MIER1: variants seen among roughly 807,000 people sequenced by gnomAD.
The protein encoded by MIER1 is MIER1 transcriptional regulator.
A neutral mutation model predicts 75.7 loss-of-function variants in MIER1; 40 were observed. The observed-to-expected ratio is 0.53, with a 90% CI of 0.41 to 0.69. The LOEUF (loss-of-function observed/expected upper bound fraction) is 0.69. Among genes scored for constraint, MIER1 ranks in the 30% least tolerant of loss-of-function variants. The pLI, the probability that MIER1 is intolerant of heterozygous loss-of-function variation, is 0.00. For synonymous variants in MIER1, 213 were observed against 223.4 expected, an observed-to-expected ratio of 0.95 and a Z score of 0.42; for missense variants, 574 against 680.2, an observed-to-expected ratio of 0.84 and a Z score of 1.74.
chr1:66,974,856 T>C (rs533747732), intron 11 of MIER1, among the ~76,000 whole-genome samples: 40 of 152,338 alleles, frequency 2.6e-4, no homozygotes, highest in African/African-American at 9.6e-4. Flanking sequence ...AGTTCTATTT[T>C]GAGGGCTTTT....
intron 3 of MIER1, among the ~76,000 whole-genome samples, chr1:66,945,314 TATAAAATAC>T (rs1657337674): frequency 2.1e-5 from 2 of 94,326 alleles, no homozygotes; most frequent in African/African-American, 3.9e-5. Context: ...TATATATATA[TATAAAATAC>T]CTAATATAGG....
Position 66,958,133 on chromosome 1 carries a change from TGAG to T in MIER1, c.417_419del (p.Glu147del). 1 of 1,609,384 alleles carries T rather than the reference TGAG, an allele frequency of 6.2e-7. No individual in the cohort carries two copies. ...GTACTGTTCGACTACCTGAAGAAGA[TGAG>T]GAAGAGGAAGAAGAGGAAGAAGAAG... On this transcript the variant is annotated inframe_deletion, in exon 5 of 14. Transcript: ENST00000401041.
At chr1:66,946,104 T>TC in intron 3 of MIER1, 46 bp from the exon 4 acceptor site, 1 of 1,541,574 alleles carries the variant, frequency 6.5e-7, no homozygotes, top group Non-Finnish European at 8.7e-7. Flanking sequence ...ATTAATAAGA[T>TC]CCACTTAATT....
At chr1:66,969,000 C>A (rs1663003981) in intron 8 of MIER1, among the ~76,000 whole-genome samples, 1 of 152,112 alleles carries the variant, frequency 6.6e-6, no homozygotes, top group Non-Finnish European at 1.5e-5. Context: ...AGAACAGAGG[C>A]TGAGCAGAGA....
chr1:66,958,962 C>A lies in MIER1; in HGVS notation c.613C>A (p.Arg205=), dbSNP rs768055958. 13 of 1,612,082 alleles carry A rather than the reference C, an allele frequency of 8.1e-6. No individual in the cohort carries two copies. The Admixed American group carries it at 8.3e-5, about 10-fold the overall frequency. Residue 205 remains arginine (R), a synonymous_variant, in exon 6 of 14, where the codon CGA becomes AGA. Transcript: ENST00000401041. Reference sequence around the variant, plus strand: ...TGCCCAGGAAATAATCCGCCCACGTCGATGTAAATATTTTGATACAAGTAA... The same window carrying A: ...TGCCCAGGAAATAATCCGCCCACGTAGATGTAAATATTTTGATACAAGTAA... ...QDAQEIIRPR[R]CKYFDTNSEV... is the part of the protein sequence containing the mutation.
chr1:66,967,336 T>A (rs768975603), intron 8 of MIER1, among the ~76,000 whole-genome samples: 4 of 152,136 alleles, frequency 2.6e-5, no homozygotes, highest in Non-Finnish European at 5.9e-5. Context: ...TGTTTCTGGG[T>A]CCTGTGTTCT....
intron 2 of MIER1, among the ~76,000 whole-genome samples, chr1:66,932,182 T>C (rs3929738): frequency 0.58 from 88,193 of 152,010 alleles, 27,764 homozygotes; most frequent in East Asian, 0.84. Flanking sequence ...GAAAAAAATA[T>C]TTTGATTCAC....
chr1:66,930,348 C>T (rs576634473), intron 2 of MIER1: 4 of 1,606,682 alleles, frequency 2.5e-6, no homozygotes, highest in East Asian at 4.5e-5. Context: ...GGCCGTGACC[C>T]AGCTGCGGCC....
intron 1 of MIER1, 124 bp from the exon 2 acceptor site, chr1:66,926,018 A>G (rs1210383830): frequency 1.4e-6 from 1 of 713,014 alleles, no homozygotes; most frequent in Non-Finnish European, 2.4e-6. Flanking sequence ...TTTTTCTAAA[A>G]TTGTCATGGG....
At chr1:66,930,416 C>A (rs1480086382) in intron 2 of MIER1, 4 of 1,605,666 alleles carry the variant, frequency 2.5e-6, no homozygotes, top group Middle Eastern at 1.8e-4. Flanking sequence ...GGAGCGAGCT[C>A]CCCCTCCCTG....
chr1:66,971,082 G>C (rs905191889), intron 9 of MIER1, 123 bp downstream of exon 9: 7 of 850,920 alleles, frequency 8.2e-6, no homozygotes, highest in Admixed American at 7.0e-5. Context: ...GGGAATCTGA[G>C]GTTATAATCC....
chr1:66,980,546 T>C (rs1665675520), intron 12 of MIER1, among the ~76,000 whole-genome samples: 1 of 152,234 alleles, frequency 6.6e-6, no homozygotes, highest in East Asian at 1.9e-4. Context: ...TTATAGACTA[T>C]TAACACAGAC....
intron 3 of MIER1, among the ~76,000 whole-genome samples, chr1:66,941,139 A>C (rs981743976): frequency 6.6e-6 from 1 of 152,238 alleles, no homozygotes; most frequent in Non-Finnish European, 1.5e-5. Context: ...TTCTATGAAC[A>C]TGAATCACTG....
At chr1:66,934,975 C>T (rs1033065724) in intron 2 of MIER1, among the ~76,000 whole-genome samples, 3 of 151,936 alleles carry the variant, frequency 2.0e-5, no homozygotes, top group African/African-American at 4.8e-5. Flanking sequence ...AAGTAGATGA[C>T]GGCAATACTT....
At chr1:66,968,008 C>A (rs1220603166) in intron 8 of MIER1, among the ~76,000 whole-genome samples, 1 of 152,006 alleles carries the variant, frequency 6.6e-6, no homozygotes, top group Non-Finnish European at 1.5e-5. Flanking sequence ...TCTAATTGTT[C>A]TGATTTTTTC....
rs201797672 is a variant in MIER1 at position 66,958,089 on chromosome 1, A to T, written c.370A>T (p.Ser124Cys). ...CGACATGCCAATTCATGAACTTCTC[A>T]GCCTTTATGGTTATGGTAGTACTGT... The part of the protein sequence containing the change: ...EGDMPIHELL[S>C]LYGYGSTVRL... The change falls in exon 5 of 14, where the codon AGC becomes TGC. Residue 124 changes from serine (S) to cysteine (C), a missense_variant. Physicochemically the swap from Ser to Cys is moderately radical, Grantham distance 112. Coordinates refer to ENST00000401041, the MANE Select transcript of MIER1 (RefSeq NM_001077700.3). 45 of 1,606,420 alleles carry T rather than the reference A, an allele frequency of 2.8e-5. No individual in the cohort carries two copies. The Admixed American group carries it at 3.7e-4, about 13-fold the overall frequency.
At chr1:66,949,976 T>C (rs1266342805) in intron 4 of MIER1, among the ~76,000 whole-genome samples, 1 of 152,224 alleles carries the variant, frequency 6.6e-6, no homozygotes, top group Admixed American at 6.5e-5. Flanking sequence ...GTTACATTTG[T>C]ATGCATGGAT....
At chr1:66,964,812 ATTTC>A (rs1490926608) in intron 8 of MIER1, among the ~76,000 whole-genome samples, 5 of 152,096 alleles carry the variant, frequency 3.3e-5, no homozygotes, top group African/African-American at 1.2e-4. Context: ...AGAAATCTTT[ATTTC>A]TTTTATTTCA....
chr1:66,935,808 A>T (rs935933398), intron 2 of MIER1, among the ~76,000 whole-genome samples: 2 of 151,844 alleles, frequency 1.3e-5, no homozygotes, highest in Non-Finnish European at 2.9e-5. Context: ...TATACTCCTA[A>T]TTTTTTTTGG....
Sources: gnomAD v4.1 joint callset for allele counts (sites outside exome capture counted in the v4.1 genomes callset) on GRCh38, gnomAD v4.1.1 for gene constraint, MANE v1.5 for transcripts, NCBI Gene and HGNC (gene_info 2026-07-23, HGNC 2026-07-21) for gene names.